Variants in MED12L observed in about 807,000 individuals in gnomAD.
MED12L encodes mediator of RNA polymerase II transcription subunit 12-like protein.
In MED12L, 60 loss-of-function variants were observed where a neutral mutation model predicts 281.3. The observed-to-expected ratio is 0.21, with a 90% CI of 0.17 to 0.26. The LOEUF is 0.26. Ranked by LOEUF, MED12L falls within the 10% of genes least tolerant of loss-of-function variation. MED12L has a pLI of 1.00. For missense variants in MED12L, 2,146 were observed against 2,680.9 expected, an observed-to-expected ratio of 0.80 and a Z score of 4.41; for synonymous variants, 974 against 987.2, an observed-to-expected ratio of 0.99 and a Z score of 0.25.
At chr3:151,234,550 T>C (rs1006685698) in intron 16 of MED12L, among the ~76,000 whole-genome samples, 1 of 152,206 alleles carries the variant, frequency 6.6e-6, no homozygotes, top group Non-Finnish European at 1.5e-5. Flanking sequence ...TGGTTCATAG[T>C]AGGTGCTGTA....
intron 26 of MED12L, among the ~76,000 whole-genome samples, chr3:151,372,100 A>C (rs1166672728): frequency 6.6e-6 from 1 of 152,212 alleles, no homozygotes; most frequent in African/African-American, 2.4e-5. Flanking sequence ...AGTTGATAGT[A>C]AGGTGGGCTA....
chr3:151,159,693 T>G, intron 7 of MED12L, 139 bp from the exon 8 acceptor site: 1 of 746,376 alleles, frequency 1.3e-6, no homozygotes, highest in Non-Finnish European at 2.1e-6. Flanking sequence ...GCTCACATTC[T>G]ATTTCTATTG....
chr3:151,234,950 C>A (rs1248496355), intron 16 of MED12L, among the ~76,000 whole-genome samples: 1 of 152,188 alleles, frequency 6.6e-6, no homozygotes, highest in East Asian at 1.9e-4. Flanking sequence ...AGCGAACTTT[C>A]TTCTATCTCT....
chr3:151,318,242 C>T (rs957029093), intron 16 of MED12L, among the ~76,000 whole-genome samples: 1 of 151,950 alleles, frequency 6.6e-6, no homozygotes, highest in African/African-American at 2.4e-5. Context: ...TAATAATGGC[C>T]TAATCTTTTA....
chr3:151,185,383 C>T lies in MED12L; in HGVS notation c.1548C>T (p.Ser516=), dbSNP rs1488141131. 6.2e-7 allele frequency: 1 copy of T among 1,613,850 alleles called. No individual in the cohort carries two copies. Among genetic ancestry groups the T allele is most frequent in the Non-Finnish European group, 8.5e-7 (1 of 1,179,992 alleles). The change falls in exon 12 of 45, where the codon AGC becomes AGT. Residue 516 remains serine, a synonymous_variant. Coordinates refer to ENST00000687756, the MANE Select transcript of MED12L (RefSeq NM_001393769.1). ...CGCTGTTATGTGAATGGGCCGTGAG[C>T]TGCAAACGGTCTGGCAAGCACAGGG... ...VVTLLCEWAV[S]CKRSGKHRAM...
intron 2 of MED12L, among the ~76,000 whole-genome samples, chr3:151,111,456 A>G (rs2148710816): frequency 6.6e-6 from 1 of 152,326 alleles, no homozygotes; most frequent in Admixed American, 6.5e-5. Flanking sequence ...CAATGGTCCC[A>G]GAGCTTGCTT....
At chr3:151,100,627 T>C (rs1450753565) in intron 2 of MED12L, among the ~76,000 whole-genome samples, 1 of 152,188 alleles carries the variant, frequency 6.6e-6, no homozygotes, top group East Asian at 1.9e-4. Context: ...TCTTTTTTAA[T>C]AAAGCTTCAC....
At chr3:151,412,521 G>A (rs1269597558) in intron 41 of MED12L, among the ~76,000 whole-genome samples, 2 of 152,206 alleles carry the variant, frequency 1.3e-5, no homozygotes, top group East Asian at 3.8e-4. Flanking sequence ...ATGGCTGCAT[G>A]ACGACTCCAA....
intron 16 of MED12L, chr3:151,337,790 A>G (rs1256226939): frequency 1.9e-5 from 31 of 1,608,314 alleles, no homozygotes; most frequent in Non-Finnish European, 2.5e-5. Flanking sequence ...ACACAAAGAG[A>G]TTGAAATATT....
At chr3:151,311,333 G>GTGTATA (rs1553775660) in intron 16 of MED12L, among the ~76,000 whole-genome samples, 9 of 151,004 alleles carry the variant, frequency 6.0e-5, no homozygotes, top group African/African-American at 2.2e-4. Flanking sequence ...GTGTGTGTGT[G>GTGTATA]TATATATATA....
At chr3:151,193,450 T>C in intron 15 of MED12L, 40 bp from the exon 16 acceptor site, 1 of 1,572,114 alleles carries the variant, frequency 6.4e-7, no homozygotes, top group South Asian at 1.2e-5. Context: ...TTTTGCTGGC[T>C]TTCATTTACA....
chr3:151,094,331 T>G (rs985386826), intron 2 of MED12L, among the ~76,000 whole-genome samples: 7 of 152,180 alleles, frequency 4.6e-5, no homozygotes, highest in African/African-American at 1.7e-4. Flanking sequence ...TCCACAAGAA[T>G]GAACATGATG....
chr3:151,296,072 CATTCTT>C (rs780777629), intron 16 of MED12L, among the ~76,000 whole-genome samples: 3 of 152,128 alleles, frequency 2.0e-5, no homozygotes, highest in Non-Finnish European at 2.9e-5. Context: ...TTTGTTTTCT[CATTCTT>C]ATTAAGTTTT....
chr3:151,238,269 C>T (rs1279745283), intron 16 of MED12L, among the ~76,000 whole-genome samples: 1 of 152,190 alleles, frequency 6.6e-6, no homozygotes, highest in East Asian at 1.9e-4. Flanking sequence ...GTCCCAGCCT[C>T]CCAAGTAGCT....
chr3:151,343,285 C>A lies in MED12L; in HGVS notation c.2251-6774C>A, dbSNP rs1228744525. On this transcript the variant is annotated intron_variant, in intron 16 of 44. Transcript: ENST00000687756. The stretch of plus-strand genomic sequence containing the variant: ...TTTAACAAATCAATCTGCCATATTA[C>A]TAATTCAGAATACTTAAGTCATACT... 2.0e-5 allele frequency among the ~76,000 whole-genome samples: 3 copies of A among 152,174 alleles called. No homozygotes were observed. The East Asian group carries it at 5.8e-4, about 29-fold the overall frequency.
At chr3:151,247,649 G>A (rs28744503) in intron 16 of MED12L, among the ~76,000 whole-genome samples, 59,450 of 130,332 alleles carry the variant, frequency 0.46, 14,101 homozygotes, top group Middle Eastern at 0.61. Flanking sequence ...ATTGGGAGAT[G>A]TACCTAATGC....
chr3:151,139,038 ATG>A (rs1218450830), intron 5 of MED12L, among the ~76,000 whole-genome samples: 1 of 151,796 alleles, frequency 6.6e-6, no homozygotes, highest in Non-Finnish European at 1.5e-5. Context: ...TCATTAATGT[ATG>A]TATGTATTCA....
intron 16 of MED12L, among the ~76,000 whole-genome samples, chr3:151,235,909 C>A (rs1378075255): frequency 6.6e-6 from 1 of 152,038 alleles, no homozygotes; most frequent in Non-Finnish European, 1.5e-5. Flanking sequence ...TAGCCTCTTA[C>A]CACGTTTGTT....
intron 5 of MED12L, among the ~76,000 whole-genome samples, chr3:151,154,749 G>A (rs1450133242): frequency 1.3e-5 from 2 of 152,106 alleles, no homozygotes; most frequent in African/African-American, 4.8e-5. Flanking sequence ...TTGGTATTTC[G>A]TTTTGTTGAA....
Sources: allele counts gnomAD v4.1 joint callset (sites outside exome capture counted in the v4.1 genomes callset), GRCh38; gene constraint gnomAD v4.1.1; transcripts MANE v1.5; gene names NCBI Gene and HGNC (gene_info 2026-07-23, HGNC 2026-07-21).